The following NOSTRIN variants were observed in gnomAD, a reference collection of about 807,000 sequenced individuals.
NOSTRIN encodes the protein nitric oxide synthase trafficking.
Under a neutral mutation model 59.0 loss-of-function variants are expected in NOSTRIN, and 63 were observed. The observed-to-expected ratio is 1.07, with a 90% CI of 0.87 to 1.32. NOSTRIN has a LOEUF of 1.32. Ranked by LOEUF, NOSTRIN falls within the 40% of genes most tolerant of loss-of-function variation. The pLI is 0.00. For synonymous variants in NOSTRIN, 200 were observed against 165.4 expected (o/e 1.21, Z -1.61); for missense variants, 512 against 473.1 (o/e 1.08, Z -0.76).
At chr2:168,846,675 A>C (rs1688446000) in intron 8 of NOSTRIN, among the ~76,000 whole-genome samples, 1 of 152,242 alleles carries the variant, frequency 6.6e-6, no homozygotes, top group Non-Finnish European at 1.5e-5. Flanking sequence ...ATTACAAAGA[A>C]TCAAATGCTT....
At position 168,842,094 on chromosome 2, in the gene NOSTRIN, CAGAA is replaced by C. The variant is rs146598531; in HGVS notation, c.505-895_505-892del. Among the ~76,000 whole-genome samples, 705 of 152,248 alleles carry C rather than the reference CAGAA, an allele frequency of 4.6e-3. 3 individuals are homozygous for C. The highest frequency in any genetic ancestry group is 0.016 in the African/African-American group (678 of 41,542). On this transcript the variant is annotated intron_variant, in intron 7 of 15. Transcript: ENST00000317647. ...AATTTCTTTATGGACAGTTTTTACA[CAGAA>C]AGGCAGGGGAAAGTGAGACTAATAT...
intron 2 of NOSTRIN, among the ~76,000 whole-genome samples, chr2:168,816,165 GC>G (rs1257234449): frequency 1.3e-5 from 2 of 152,108 alleles, no homozygotes; most frequent in African/African-American, 4.8e-5. Flanking sequence ...TACCCCTTAA[GC>G]CTTTTACTCT....
chr2:168,795,177 C>T (rs1346774792), upstream of NOSTRIN, among the ~76,000 whole-genome samples: 1 of 151,976 alleles, frequency 6.6e-6, no homozygotes, highest in African/African-American at 2.4e-5. Context: ...GAATAAATCC[C>T]ACTGTTGGCA....
At chr2:168,861,890 C>A in intron 14 of NOSTRIN, 70 bp from the exon 15 acceptor site, 1 of 1,399,688 alleles carries the variant, frequency 7.1e-7, no homozygotes, top group Non-Finnish European at 1.0e-6. Flanking sequence ...TGTTAAATAA[C>A]CAAAGAGCTT....
chr2:168,822,558 C>T (rs1409617956), intron 2 of NOSTRIN, among the ~76,000 whole-genome samples: 1 of 152,142 alleles, frequency 6.6e-6, no homozygotes, highest in Non-Finnish European at 1.5e-5. Context: ...AATGGATTAA[C>T]AGACTGAAAA....
rs1559107432 is a variant in NOSTRIN, at chr2:168,811,555, C to T, written c.28-12C>T. 9 of 792,444 alleles carry T rather than the reference C, an allele frequency of 1.1e-5. No homozygotes were observed. The highest frequency in any genetic ancestry group is 4.5e-5 in the Admixed American group (2 of 44,404). 49.1% of individuals were successfully genotyped at this position (792,444 alleles called of 1,614,324 possible). On this transcript the variant is annotated splice_polypyrimidine_tract_variant and intron_variant, in intron 1 of 15. Transcript: ENST00000317647. ...TGTTCATTGTTTTTTTGTTATTGTT[C>T]TTGTTTTTCAGTATAATAAAGTATA...
At chr2:168,819,241 T>C (rs1686588248) in intron 2 of NOSTRIN, among the ~76,000 whole-genome samples, 1 of 152,122 alleles carries the variant, frequency 6.6e-6, no homozygotes, top group Non-Finnish European at 1.5e-5. Flanking sequence ...AAGAAATCAT[T>C]CTAAGTGGGG....
chr2:168,804,376 G>T (rs763276451), intron 1 of NOSTRIN, among the ~76,000 whole-genome samples: 2 of 152,132 alleles, frequency 1.3e-5, no homozygotes, highest in Admixed American at 6.5e-5. Flanking sequence ...GGGGAGGGCG[G>T]ATATCCCTTC....
In NOSTRIN at chr2:168,865,325, C is replaced by A. The variant is rs1030706204; in HGVS notation, c.*355C>A. On this transcript the variant is annotated 3_prime_UTR_variant, in exon 16 of 16. Transcript: ENST00000317647. Reference sequence around the variant, plus strand: ...TATCTGGTAGACAACAGCAGTGGGACTTAGATGTCTTTTTCCTCTGGATTT... The same window carrying A: ...TATCTGGTAGACAACAGCAGTGGGAATTAGATGTCTTTTTCCTCTGGATTT... 3.8e-5 allele frequency: 7 copies of A among 184,116 alleles called. No homozygotes were observed. Among genetic ancestry groups the A allele is most frequent in the Non-Finnish European group, 8.0e-5 (7 of 87,848 alleles). The allele number at this position is 184,116 out of a possible 1,614,324, so 11.4% of individuals were successfully genotyped here.
At chr2:168,805,214 C>A (rs529956082) in intron 1 of NOSTRIN, among the ~76,000 whole-genome samples, 2 of 152,146 alleles carry the variant, frequency 1.3e-5, no homozygotes, top group Non-Finnish European at 2.9e-5. Flanking sequence ...GCCTTTCAAC[C>A]TCAAAGAGCA....
chr2:168,812,251 G>A (rs1354682388), intron 2 of NOSTRIN, among the ~76,000 whole-genome samples: 1 of 151,998 alleles, frequency 6.6e-6, no homozygotes, highest in East Asian at 1.9e-4. Flanking sequence ...TGGTTATAAG[G>A]GACCTTTTAG....
At chr2:168,787,451 A>T (rs1195042261) in intron 1 of NOSTRIN, among the ~76,000 whole-genome samples, 1 of 152,194 alleles carries the variant, frequency 6.6e-6, no homozygotes, top group Non-Finnish European at 1.5e-5. Flanking sequence ...TTGTGTTAGA[A>T]GTTAGTCTTC....
chr2:168,822,593 A>C (rs1686808016), intron 2 of NOSTRIN, among the ~76,000 whole-genome samples: 1 of 152,268 alleles, frequency 6.6e-6, no homozygotes, highest in Non-Finnish European at 1.5e-5. Flanking sequence ...CTTAGGATCT[A>C]TATTAAAAAG....
Position 168,860,867 on chromosome 2 carries a change from G to C in NOSTRIN, c.1252G>C (p.Ala418Pro), listed in dbSNP as rs749301829. 4 of 1,613,966 alleles carry C rather than the reference G, an allele frequency of 2.5e-6. No homozygotes were observed. Among genetic ancestry groups the C allele is most frequent in the East Asian group, 2.2e-5 (1 of 44,868 alleles). ...MKRLENIVSK[A>P]SSGGQSNPGS... ...GAGATTAGAGAATATTGTGAGCAAG[G>C]CATCTTCTGGTGGGCAGAGCAATCC... The change falls in exon 14 of 16, where the codon GCA (alanine) becomes CCA (proline). Residue 418 changes from alanine (A) to proline (P), a missense_variant. Ala to Pro is a conservative substitution (Grantham distance 27). Transcript: ENST00000317647.
chr2:168,791,080 G>A (rs1202945111), intron 2 of NOSTRIN, among the ~76,000 whole-genome samples: 1 of 152,032 alleles, frequency 6.6e-6, no homozygotes. Context: ...CCATGTTGGT[G>A]TGCTGCACCC....
rs1001511083 is a variant in NOSTRIN at position 168,789,141 on chromosome 2, T to G, written c.-473+1093T>G. On this transcript the variant is annotated intron_variant, in intron 2 of 20. Coordinates refer to the NOSTRIN transcript ENST00000458381. ...AAAGGCTGGGTGTGGAACATCTTTT[T>G]GGGCCAGAAAGCAAAGTAGTACTTA... is the stretch of plus-strand genomic sequence containing the variant. Among the ~76,000 whole-genome samples, 9 of 152,210 alleles carry G rather than the reference T, an allele frequency of 5.9e-5. No homozygotes were observed. In the East Asian group the frequency reaches 1.3e-3, roughly 23 times the overall value.
At chr2:168,802,541 C>CTCTA, upstream of NOSTRIN, 1 of 790,706 alleles carries the variant, frequency 1.3e-6, no homozygotes. Flanking sequence ...GACTGACGTA[C>CTCTA]TCTAGGCCCT....
intron 12 of NOSTRIN, among the ~76,000 whole-genome samples, chr2:168,858,882 C>G (rs1433173665): frequency 6.6e-6 from 1 of 152,140 alleles, no homozygotes; most frequent in Non-Finnish European, 1.5e-5. Flanking sequence ...CTGGCTGGAC[C>G]CAGCCTGACA....
rs753884391 is a variant in NOSTRIN at position 168,860,774 on chromosome 2, CTT to C, written c.1180-17_1180-16del. On this transcript the variant is annotated intron_variant, in intron 13 of 15. Transcript: ENST00000317647. Reference sequence around the variant, plus strand: ...ATGATAATCGTGTTACAAAATATGACTTTTTATGTCATTTGAACAGGAGCATA... The same window carrying C: ...ATGATAATCGTGTTACAAAATATGACTTTATGTCATTTGAACAGGAGCATA... 181 of 1,433,100 alleles carry C rather than the reference CTT, an allele frequency of 1.3e-4. No homozygotes were observed. The highest frequency in any genetic ancestry group is 1.7e-4 in the Non-Finnish European group (169 of 1,018,722). The allele number at this position is 1,433,100 out of a possible 1,614,324, so 88.8% of individuals were successfully genotyped here.
Sources: allele counts gnomAD v4.1 joint callset (sites outside exome capture counted in the v4.1 genomes callset), GRCh38; gene constraint gnomAD v4.1.1; transcripts MANE v1.5; gene names NCBI Gene and HGNC (gene_info 2026-07-23, HGNC 2026-07-21).